PKNOX2: variants seen among roughly 807,000 people sequenced by gnomAD.
PKNOX2 encodes the protein homeobox protein PKNOX2.
Under a neutral mutation model 53.1 loss-of-function variants are expected in PKNOX2, and 14 were observed. The ratio of observed to expected loss-of-function variants is 0.26; its 90% CI spans 0.17 to 0.41. The LOEUF (loss-of-function observed/expected upper bound fraction) is 0.41. PKNOX2 is among the 10% of genes least tolerant of loss of function. The probability of loss-of-function intolerance (pLI) is 1.00; values close to 1 mark genes in which losing one functional copy is unlikely to be tolerated. For synonymous variants in PKNOX2, 257 were observed against 242.8 expected, an observed-to-expected ratio of 1.06 and a Z score of -0.54; for missense variants, 496 against 602.8, an observed-to-expected ratio of 0.82 and a Z score of 1.85.
chr11:125,205,269 T>C (rs1430110496), intron 1 of PKNOX2, among the ~76,000 whole-genome samples: 1 of 152,106 alleles, frequency 6.6e-6, no homozygotes, highest in African/African-American at 2.4e-5. Context: ...GAAAGTGTAT[T>C]GTTGGGTGTG....
At chr11:125,228,050 T>TGCAC (rs1196284498) in intron 1 of PKNOX2, among the ~76,000 whole-genome samples, 3 of 152,142 alleles carry the variant, frequency 2.0e-5, no homozygotes, top group Admixed American at 1.3e-4. Flanking sequence ...TGGCATGGCA[T>TGCAC]GACCTTGGGT....
chr11:125,424,118 TG>T (rs1162290774), intron 10 of PKNOX2, among the ~76,000 whole-genome samples: 1 of 149,822 alleles, frequency 6.7e-6, no homozygotes, highest in Non-Finnish European at 1.5e-5. Context: ...GAGAGGTGTT[TG>T]GGGGGACAGA....
At chr11:125,208,987 G>A (rs1004023813) in intron 1 of PKNOX2, among the ~76,000 whole-genome samples, 28 of 152,082 alleles carry the variant, frequency 1.8e-4, no homozygotes, top group African/African-American at 5.8e-4. Context: ...AGGAGAGAAT[G>A]GGAAGTGAGG....
intron 5 of PKNOX2, among the ~76,000 whole-genome samples, chr11:125,372,215 G>A (rs866152308): frequency 1.3e-5 from 2 of 152,234 alleles, no homozygotes; most frequent in East Asian, 1.9e-4. Flanking sequence ...GCTCCGATTC[G>A]TAGCATTTGC....
intron 1 of PKNOX2, among the ~76,000 whole-genome samples, chr11:125,225,247 A>G (rs1182867222): frequency 5.3e-5 from 8 of 152,178 alleles, no homozygotes; most frequent in Non-Finnish European, 1.0e-4. Flanking sequence ...TTAACTCCCT[A>G]GTCAACTGGT....
chr11:125,381,305 G>A (rs1321599612), intron 5 of PKNOX2, among the ~76,000 whole-genome samples: 1 of 152,118 alleles, frequency 6.6e-6, no homozygotes, highest in African/African-American at 2.4e-5. Flanking sequence ...GGCTGGGGTA[G>A]GAGAAGAGAG....
At chr11:125,172,071 C>T (rs1443684266) in intron 1 of PKNOX2, among the ~76,000 whole-genome samples, 3 of 152,140 alleles carry the variant, frequency 2.0e-5, no homozygotes, top group Non-Finnish European at 2.9e-5. Flanking sequence ...ACTGGCTGAG[C>T]GGCTGGCCAG....
chr11:125,175,582 A>G (rs1591469162), intron 1 of PKNOX2, among the ~76,000 whole-genome samples: 1 of 152,134 alleles, frequency 6.6e-6, no homozygotes, highest in Non-Finnish European at 1.5e-5. Context: ...TGTCACCACT[A>G]TTTTGTTGAG....
chr11:125,325,763 C>T (rs913640652), intron 2 of PKNOX2, among the ~76,000 whole-genome samples: 4 of 152,160 alleles, frequency 2.6e-5, no homozygotes, highest in African/African-American at 9.7e-5. Flanking sequence ...GTGACTTATA[C>T]AGCTAGGAAA....
intron 2 of PKNOX2, among the ~76,000 whole-genome samples, chr11:125,295,085 A>C (rs1295492259): frequency 6.6e-6 from 1 of 152,128 alleles, no homozygotes; most frequent in Non-Finnish European, 1.5e-5. Context: ...GCGGGTCCAC[A>C]GTGTGGTGCT....
chr11:125,271,699 C>A (rs1413636829), intron 2 of PKNOX2, among the ~76,000 whole-genome samples: 1 of 151,480 alleles, frequency 6.6e-6, no homozygotes, highest in African/African-American at 2.4e-5. Flanking sequence ...AGGAGAGCAG[C>A]AAATTGATGA....
intron 3 of PKNOX2, among the ~76,000 whole-genome samples, chr11:125,334,068 C>G (rs894409104): frequency 3.3e-5 from 5 of 152,112 alleles, no homozygotes; most frequent in Non-Finnish European, 5.9e-5. Flanking sequence ...GGGCCAGTGT[C>G]TGAGGGGTGG....
chr11:125,205,386 A>G (rs1043722149), intron 1 of PKNOX2, among the ~76,000 whole-genome samples: 4 of 152,216 alleles, frequency 2.6e-5, no homozygotes, highest in Non-Finnish European at 1.5e-5. Flanking sequence ...TTCTTCATGC[A>G]GCACATTCCT....
chr11:125,219,753 TTTGATATCGCATTCTATTGGCAAGGCC>T (rs1940931980), intron 1 of PKNOX2, among the ~76,000 whole-genome samples: 2 of 152,236 alleles, frequency 1.3e-5, no homozygotes, highest in Non-Finnish European at 2.9e-5. Context: ...AGCCAAAAAA[TTTGATATCGCATTCTATTGGCAAGGCC>T]CTGGGGAAAC....
At chr11:125,408,369 G>A (rs1955245245) in intron 7 of PKNOX2, among the ~76,000 whole-genome samples, 2 of 152,242 alleles carry the variant, frequency 1.3e-5, no homozygotes, top group African/African-American at 4.8e-5. Context: ...GGGGCCCCAG[G>A]AAGGGGAAGC....
intron 3 of PKNOX2, among the ~76,000 whole-genome samples, chr11:125,346,061 G>A (rs1950953190): frequency 6.6e-6 from 1 of 152,072 alleles, no homozygotes; most frequent in African/African-American, 2.4e-5. Flanking sequence ...GTTGAAGCCA[G>A]CCAGGTTACT....
At position 125,411,501 on chromosome 11, in the gene PKNOX2, T is replaced by TCTCTCTCTCTCTCTCTCC. The variant is rs1555172694; in HGVS notation, c.817-236_817-235insTCTCTCTCCCTCTCTCTC. ...CTCTCTCTCTCTCTCTCTCTCTCTC[T>TCTCTCTCTCTCTCTCTCC]CTCTCTCTCCCCCCCTTCCCCATCT... On this transcript the variant is annotated intron_variant, in intron 9 of 12. Transcript: ENST00000298282. 115 of 451,432 alleles carry TCTCTCTCTCTCTCTCTCC rather than the reference T, an allele frequency of 2.5e-4. 4 individuals are homozygous for TCTCTCTCTCTCTCTCTCC. The highest frequency in any genetic ancestry group is 3.3e-4 in the Non-Finnish European group (80 of 244,048). The allele number at this position is 451,432 out of a possible 1,614,324, so 28.0% of individuals were successfully genotyped here. A position where few individuals can be genotyped will look rare whatever the true frequency, so the allele number is the denominator to read the frequency against.
chr11:125,411,668 C>T (rs1438643870), intron 9 of PKNOX2, 78 bp from the exon 10 acceptor site: 4 of 1,608,004 alleles, frequency 2.5e-6, no homozygotes, highest in East Asian at 2.2e-5. Context: ...GCCAAGCCTG[C>T]CGTCGCTATG....
intron 2 of PKNOX2, among the ~76,000 whole-genome samples, chr11:125,312,516 C>G (rs957885785): frequency 6.0e-4 from 91 of 152,304 alleles, no homozygotes; most frequent in African/African-American, 2.1e-3. Flanking sequence ...TGAGGTGAAT[C>G]AGGAATATTC....
Sources: gnomAD v4.1 joint callset for allele counts (sites outside exome capture counted in the v4.1 genomes callset) on GRCh38, gnomAD v4.1.1 for gene constraint, MANE v1.5 for transcripts, NCBI Gene and HGNC (gene_info 2026-07-23, HGNC 2026-07-21) for gene names.